The following RABGAP1L variants were observed in gnomAD, a reference collection of about 807,000 sequenced individuals.
RABGAP1L encodes the protein rab GTPase-activating protein 1-like.
RABGAP1L carries 63 observed loss-of-function variants against 137.7 expected under a neutral mutation model. The ratio of observed to expected loss-of-function variants is 0.46; its 90% confidence interval spans 0.37 to 0.56. The LOEUF (loss-of-function observed/expected upper bound fraction) is 0.56, where lower values mean the gene tolerates loss of function less well. RABGAP1L is among the 20% of genes least tolerant of loss of function. The pLI is 0.00. For missense variants in RABGAP1L, 1,095 were observed against 1,244.0 expected (o/e 0.88, Z 1.80); for synonymous variants, 431 against 433.7 (o/e 0.99, Z 0.08).
intron 11 of RABGAP1L, among the ~76,000 whole-genome samples, chr1:174,337,944 A>G (rs1230758653): frequency 6.6e-6 from 1 of 152,218 alleles, no homozygotes; most frequent in Non-Finnish European, 1.5e-5. Context: ...TTAAATCATT[A>G]CAGAAGTTAA....
At chr1:174,729,067 T>C (rs1450726240) in intron 17 of RABGAP1L, among the ~76,000 whole-genome samples, 1 of 152,178 alleles carries the variant, frequency 6.6e-6, no homozygotes, top group African/African-American at 2.4e-5. Context: ...ATTACCTGTC[T>C]TCAAATATAC....
intron 17 of RABGAP1L, among the ~76,000 whole-genome samples, chr1:174,709,486 G>A (rs1680308619): frequency 6.6e-6 from 1 of 152,208 alleles, no homozygotes; most frequent in African/African-American, 2.4e-5. Context: ...GGAACAGACA[G>A]CGATCTTTGC....
At chr1:174,933,006 C>T (rs1664100934) in intron 19 of RABGAP1L, among the ~76,000 whole-genome samples, 1 of 152,106 alleles carries the variant, frequency 6.6e-6, no homozygotes, top group African/African-American at 2.4e-5. Context: ...TAGATTTGCT[C>T]ATTGTTTCTG....
At chr1:174,383,696 C>A (rs1268918205) in intron 12 of RABGAP1L, among the ~76,000 whole-genome samples, 1 of 152,128 alleles carries the variant, frequency 6.6e-6, no homozygotes, top group African/African-American at 2.4e-5. Flanking sequence ...GTCTGGCACT[C>A]CCTAGTGAGA....
chr1:174,903,571 T>C (rs1469524800), intron 19 of RABGAP1L, among the ~76,000 whole-genome samples: 2 of 152,174 alleles, frequency 1.3e-5, no homozygotes, highest in African/African-American at 4.8e-5. Context: ...ATTGGAATTA[T>C]AATATAAAGC....
At chr1:174,329,161 A>C (rs1680806068) in intron 11 of RABGAP1L, among the ~76,000 whole-genome samples, 1 of 152,142 alleles carries the variant, frequency 6.6e-6, no homozygotes, top group Non-Finnish European at 1.5e-5. Context: ...AATCATTACA[A>C]CTGATACCCT....
chr1:174,616,238 C>T (rs913451611), intron 13 of RABGAP1L, among the ~76,000 whole-genome samples: 9 of 151,936 alleles, frequency 5.9e-5, no homozygotes, highest in Admixed American at 2.0e-4. Flanking sequence ...CGTTGGTATG[C>T]GGTTTGCTGT....
chr1:174,780,119 T>A (rs1223092797), intron 18 of RABGAP1L, among the ~76,000 whole-genome samples: 3 of 130,970 alleles, frequency 2.3e-5, no homozygotes, highest in Admixed American at 7.9e-5. Flanking sequence ...AATAAATAAA[T>A]TAAATAAGCC....
chr1:174,239,785 G>A (rs1356846074), intron 4 of RABGAP1L, among the ~76,000 whole-genome samples: 2 of 152,190 alleles, frequency 1.3e-5, no homozygotes, highest in African/African-American at 4.8e-5. Flanking sequence ...TCAAGGAAAT[G>A]AGGTTGAATT....
At chr1:174,512,089 A>T (rs1038331617) in intron 13 of RABGAP1L, among the ~76,000 whole-genome samples, 2 of 152,222 alleles carry the variant, frequency 1.3e-5, no homozygotes, top group Non-Finnish European at 2.9e-5. Context: ...CAGGGTAATT[A>T]ACATATCCAT....
At chr1:174,858,367 G>A (rs755541989) in intron 19 of RABGAP1L, among the ~76,000 whole-genome samples, 1 of 152,082 alleles carries the variant, frequency 6.6e-6, no homozygotes, top group Non-Finnish European at 1.5e-5. Context: ...GAGTGATTTT[G>A]CCTTGAGGGG....
intron 16 of RABGAP1L, among the ~76,000 whole-genome samples, chr1:174,701,454 A>T (rs1679639069): frequency 6.6e-6 from 1 of 152,114 alleles, no homozygotes; most frequent in Non-Finnish European, 1.5e-5. Context: ...TAAGAATTGA[A>T]CCCTGGGCTG....
At chr1:174,513,443 A>T (rs1447748008) in intron 13 of RABGAP1L, among the ~76,000 whole-genome samples, 1 of 152,136 alleles carries the variant, frequency 6.6e-6, no homozygotes, top group African/African-American at 2.4e-5. Flanking sequence ...CCCTGTCTCT[A>T]CAAAAATTAA....
chr1:174,429,953 C>G (rs1437129750), intron 13 of RABGAP1L, among the ~76,000 whole-genome samples: 1 of 151,990 alleles, frequency 6.6e-6, no homozygotes, highest in Non-Finnish European at 1.5e-5. Flanking sequence ...GAATTTTGGT[C>G]ACTAGTTATT....
At chr1:174,317,309 C>G (rs1265742755) in intron 11 of RABGAP1L, among the ~76,000 whole-genome samples, 1 of 152,090 alleles carries the variant, frequency 6.6e-6, no homozygotes, top group Admixed American at 6.6e-5. Flanking sequence ...GATGTAGTAC[C>G]TGGGTATCAC....
intron 13 of RABGAP1L, among the ~76,000 whole-genome samples, chr1:174,587,959 G>A (rs1669249698): frequency 6.6e-6 from 1 of 152,174 alleles, no homozygotes; most frequent in Admixed American, 6.5e-5. Context: ...CGCCTCCTGT[G>A]TTCAAGTGAT....
chr1:174,632,680 C>T (rs976427828), intron 13 of RABGAP1L, among the ~76,000 whole-genome samples: 7 of 149,314 alleles, frequency 4.7e-5, no homozygotes, highest in Non-Finnish European at 7.4e-5. Flanking sequence ...TCCAGTTGAT[C>T]GCATCGGCTC....
chr1:174,409,788 C>T (rs1649696234), intron 13 of RABGAP1L, among the ~76,000 whole-genome samples: 1 of 152,162 alleles, frequency 6.6e-6, no homozygotes, highest in Non-Finnish European at 1.5e-5. Flanking sequence ...CTGCCGTACC[C>T]TCAGGCTTAC....
intron 13 of RABGAP1L, among the ~76,000 whole-genome samples, chr1:174,481,577 T>C (rs10912792): frequency 0.12 from 18,303 of 152,206 alleles, 3,718 homozygotes; most frequent in African/African-American, 0.41. Context: ...TGGAGCACTT[T>C]TAGGATGACT....
Sources: allele counts gnomAD v4.1 joint callset (sites outside exome capture counted in the v4.1 genomes callset), GRCh38; gene constraint gnomAD v4.1.1; transcripts MANE v1.5; gene names NCBI Gene and HGNC (gene_info 2026-07-23, HGNC 2026-07-21).